Variants in PDCD1 observed in about 807,000 individuals in gnomAD.
PDCD1 encodes programmed cell death 1, also known as programmed cell death protein 1.
PDCD1 carries 10 observed loss-of-function variants against 23.6 expected under a neutral mutation model. The ratio of observed to expected loss-of-function variants is 0.42; its 90% CI spans 0.26 to 0.72. The LOEUF is 0.72. Among genes scored for constraint, PDCD1 ranks in the 30% least tolerant of loss-of-function variants. PDCD1 has a pLI of 0.24. For synonymous variants in PDCD1, 168 were observed against 169.3 expected (o/e 0.99, Z 0.06); for missense variants, 313 against 397.8 (o/e 0.79, Z 1.81).
intron 1 of PDCD1, among the ~76,000 whole-genome samples, chr2:241,854,608 G>T (rs995362872): frequency 6.6e-6 from 1 of 152,212 alleles, no homozygotes; most frequent in South Asian, 2.1e-4. Context: ...CTGGGACAGG[G>T]TGGGCTGCAG....
At chr2:241,853,438 G>C (rs1429737338) in intron 1 of PDCD1, among the ~76,000 whole-genome samples, 1 of 152,266 alleles carries the variant, frequency 6.6e-6, no homozygotes, top group Non-Finnish European at 1.5e-5. Context: ...CCCTTGGCAG[G>C]CTCAGGGTCC....
intron 1 of PDCD1, among the ~76,000 whole-genome samples, chr2:241,856,004 C>A (rs543973886): frequency 1.1e-4 from 17 of 152,298 alleles, no homozygotes; most frequent in Admixed American, 5.9e-4. Context: ...GGGCACAGGG[C>A]TGGGTGGCCA....
At chr2:241,854,072 G>C (rs1315122193) in intron 1 of PDCD1, among the ~76,000 whole-genome samples, 1 of 152,230 alleles carries the variant, frequency 6.6e-6, no homozygotes, top group Non-Finnish European at 1.5e-5. Flanking sequence ...CTGCAGCCAG[G>C]CTGGCCCACG....
In PDCD1 at chr2:241,851,253, C is replaced by G; in HGVS notation, c.672G>C (p.Gly224=). The change falls in exon 5 of 5, where the codon GGG becomes GGC. Residue 224 remains glycine (G), a synonymous_variant. Coordinates refer to ENST00000334409, the MANE Select transcript of PDCD1 (RefSeq NM_005018.3). The part of the protein sequence containing the change: ...SAVPVFSVDY[G]ELDFQWREKT... ...TCTCTCGCCACTGGAAATCCAGCTCCCCATAGTCCACAGAGAACACAGGCA... is the reference window on the plus strand; with the variant it reads ...TCTCTCGCCACTGGAAATCCAGCTCGCCATAGTCCACAGAGAACACAGGCA... The G allele has an allele frequency of 6.2e-7, 1 of 1,613,812 alleles. No homozygotes were observed. Among genetic ancestry groups the G allele is most frequent in the Non-Finnish European group, 8.5e-7 (1 of 1,179,908 alleles).
At chr2:241,851,333 G>C (rs756151517) in intron 4 of PDCD1, 36 bp from the exon 5 acceptor site, 3 of 1,567,550 alleles carry the variant, frequency 1.9e-6, no homozygotes, top group Non-Finnish European at 2.6e-6. Context: ...CAGCCCCACG[G>C]CCCACCGCAG....
rs1700919929 is a variant in PDCD1, at chr2:241,852,262, G to A, written c.528C>T (p.Gly176=). 6.2e-7 allele frequency: 1 copy of A among 1,611,484 alleles called. No individual in the cohort carries two copies. Residue 176 remains glycine, a synonymous_variant, in exon 3 of 5, where the codon GGC becomes GGT. Coordinates refer to ENST00000334409, the MANE Select transcript of PDCD1 (RefSeq NM_005018.3). ...FQTLVVGVVG[G]LLGSLVLLVW... is the part of the protein sequence containing the mutation. ...CTAGCAGCACCAGGCTGCCCAGCAG[G>A]CCGCCCACGACACCAACCACCAGGG...
intron 3 of PDCD1, 102 bp from the exon 4 acceptor site, chr2:241,852,085 G>A (rs1323668338): frequency 7.2e-7 from 1 of 1,391,258 alleles, no homozygotes; most frequent in Non-Finnish European, 9.8e-7. Context: ...AGCCTGGCGG[G>A]GAGATGGGGG....
intron 1 of PDCD1, 34 bp from the exon 2 acceptor site, chr2:241,853,014 G>A (rs2124862008): frequency 6.5e-7 from 1 of 1,528,076 alleles, no homozygotes; most frequent in South Asian, 1.2e-5. Context: ...AAGGGGCTGG[G>A]TGGCCCCACA....
At chr2:241,857,824 G>A (rs1701058652) in intron 1 of PDCD1, among the ~76,000 whole-genome samples, 1 of 152,186 alleles carries the variant, frequency 6.6e-6, no homozygotes, top group Non-Finnish European at 1.5e-5. Context: ...CCCTCATCTT[G>A]TCCTCCCAGT....
At position 241,858,824 on chromosome 2, in the gene PDCD1, C is replaced by A. The variant is rs1448793282; in HGVS notation, c.15G>T (p.Gln5His). The change falls in exon 1 of 5, where the codon CAG (glutamine) becomes CAT (histidine). Residue 5 changes from glutamine (Q) to histidine (H), a missense_variant. By Grantham distance (24) the Gln-to-His change is conservative. Coordinates refer to ENST00000334409, the MANE Select transcript of PDCD1 (RefSeq NM_005018.3). MQIP[Q>H]APWPVVWAVL... Reference sequence around the variant, plus strand: ...CCGCCCAGACGACTGGCCAGGGCGCCTGTGGGATCTGCATGCCTGGAGCAG... The same window carrying A: ...CCGCCCAGACGACTGGCCAGGGCGCATGTGGGATCTGCATGCCTGGAGCAG... 1.9e-6 allele frequency: 3 copies of A among 1,578,812 alleles called. No individual in the cohort carries two copies. The highest frequency in any genetic ancestry group is 3.7e-5 in the Admixed American group (2 of 54,526).
intron 1 of PDCD1, among the ~76,000 whole-genome samples, chr2:241,854,637 T>C (rs1428518018): frequency 6.6e-6 from 1 of 152,106 alleles, no homozygotes; most frequent in Non-Finnish European, 1.5e-5. Flanking sequence ...GGGCCTAGGC[T>C]GGGGCTGGGT....
Position 241,850,679 on chromosome 2 carries a change from C to T in PDCD1, c.*379G>A, listed in dbSNP as rs41492945. The T allele has an allele frequency of 3.7e-5, 19 of 511,388 alleles. No homozygotes were observed. Among genetic ancestry groups the T allele is most frequent in the African/African-American group, 1.9e-4 (10 of 53,164 alleles). The allele number at this position is 511,388 out of a possible 1,614,324, so 31.7% of individuals were successfully genotyped here. On this transcript the variant is annotated 3_prime_UTR_variant, in exon 5 of 5. Transcript: ENST00000334409. ...GCCCCCAAGTTCAGGCAGGAGGCTC[C>T]GGGGCGTCAGGCAGGGCCACGGCGC...
At chr2:241,853,477 C>T (rs1304731718) in intron 1 of PDCD1, among the ~76,000 whole-genome samples, 2 of 152,262 alleles carry the variant, frequency 1.3e-5, no homozygotes, top group Admixed American at 1.3e-4. Context: ...AGGACAAGCT[C>T]GGAGCTGGGA....
chr2:241,858,172 CAGA>C (rs1190971530), intron 1 of PDCD1, among the ~76,000 whole-genome samples: 1 of 152,210 alleles, frequency 6.6e-6, no homozygotes, highest in African/African-American at 2.4e-5. Flanking sequence ...ATCCTGGAGA[CAGA>C]AGAACTGTCC....
chr2:241,856,198 C>T (rs1426118479), intron 1 of PDCD1, among the ~76,000 whole-genome samples: 1 of 152,024 alleles, frequency 6.6e-6, no homozygotes, highest in Non-Finnish European at 1.5e-5. Context: ...CCTGCATGTC[C>T]AGCCCCCCAC....
At chr2:241,853,405 C>T (rs1387755093) in intron 1 of PDCD1, among the ~76,000 whole-genome samples, 3 of 152,250 alleles carry the variant, frequency 2.0e-5, no homozygotes, top group Non-Finnish European at 2.9e-5. Flanking sequence ...CCATGGAGAC[C>T]CCAGCCCTGG....
Position 241,850,931 on chromosome 2 carries a change from G to T in PDCD1, c.*127C>A, listed in dbSNP as rs1002924714. 8.1e-7 allele frequency: 1 copy of T among 1,233,516 alleles called. No homozygotes were observed. Among genetic ancestry groups the T allele is most frequent in the Non-Finnish European group, 1.1e-6 (1 of 900,928 alleles). The allele number at this position is 1,233,516 out of a possible 1,614,324, so 76.4% of individuals were successfully genotyped here. On this transcript the variant is annotated 3_prime_UTR_variant, in exon 5 of 5. Transcript: ENST00000334409. ...GCAGGTGCAGGCTGGAGCCCCGGTC[G>T]CCCCCAGGCAGCTCAGCCCCTGGAC... is the stretch of plus-strand genomic sequence containing the variant.
chr2:241,855,433 CT>C (rs1701001513), intron 1 of PDCD1, among the ~76,000 whole-genome samples: 1 of 152,230 alleles, frequency 6.6e-6, no homozygotes, highest in Non-Finnish European at 1.5e-5. Context: ...GAAGTGACCA[CT>C]GGCTGGTCCT....
At chr2:241,857,314 A>G (rs1431420594) in intron 1 of PDCD1, among the ~76,000 whole-genome samples, 2 of 152,236 alleles carry the variant, frequency 1.3e-5, no homozygotes, top group Non-Finnish European at 2.9e-5. Flanking sequence ...AAACCGAGGC[A>G]TGCCACCTGT....
Sources: allele counts gnomAD v4.1 joint callset (sites outside exome capture counted in the v4.1 genomes callset), GRCh38; gene constraint gnomAD v4.1.1; transcripts MANE v1.5; gene names NCBI Gene and HGNC (gene_info 2026-07-23, HGNC 2026-07-21).